LRP1B: variants seen among roughly 807,000 people sequenced by gnomAD.
LRP1B encodes low-density lipoprotein receptor-related protein 1B.
Under a neutral mutation model 556.6 loss-of-function variants are expected in LRP1B, and 217 were observed. That is an observed-to-expected ratio of 0.39 (90% CI 0.35 to 0.44). The LOEUF is 0.44. Ranked by LOEUF, LRP1B falls within the 20% of genes least tolerant of loss-of-function variation. The pLI, the probability that LRP1B is intolerant of heterozygous loss-of-function variation, is 1.00. For synonymous variants in LRP1B, 2,047 were observed against 1,865.8 expected, an observed-to-expected ratio of 1.10 and a Z score of -2.50; for missense variants, 5,053 against 5,620.8, an observed-to-expected ratio of 0.90 and a Z score of 3.23.
chr2:141,831,938 G>A (rs13386121), intron 1 of LRP1B, among the ~76,000 whole-genome samples: 8 of 151,282 alleles, frequency 5.3e-5, no homozygotes, highest in South Asian at 4.1e-4. Flanking sequence ...AACTTTTCTC[G>A]TTTTTTTCTC....
intron 1 of LRP1B, among the ~76,000 whole-genome samples, chr2:141,982,537 G>A (rs543999461): frequency 5.9e-5 from 9 of 152,032 alleles, no homozygotes; most frequent in African/African-American, 1.7e-4. Flanking sequence ...ATATTTGAAC[G>A]CTAAAACCAC....
At chr2:140,311,228 GTATGTT>G (rs554489587) in intron 83 of LRP1B, among the ~76,000 whole-genome samples, 302 of 151,880 alleles carry the variant, frequency 2.0e-3, no homozygotes, top group African/African-American at 7.1e-3. Context: ...TATGGCACGT[GTATGTT>G]TATAACAGCA....
At chr2:140,668,998 C>T (rs915902158) in intron 41 of LRP1B, among the ~76,000 whole-genome samples, 2 of 152,052 alleles carry the variant, frequency 1.3e-5, no homozygotes, top group Admixed American at 6.6e-5. Flanking sequence ...TGTTGAATGA[C>T]AGATGAAGAG....
At chr2:141,101,586 G>A (rs1341109939) in intron 7 of LRP1B, among the ~76,000 whole-genome samples, 1 of 152,006 alleles carries the variant, frequency 6.6e-6, no homozygotes, top group Non-Finnish European at 1.5e-5. Flanking sequence ...TCTTACTCAG[G>A]TGATACTGCT....
intron 5 of LRP1B, 106 bp downstream of exon 5, chr2:141,247,120 C>T (rs545972153): frequency 1.6e-6 from 2 of 1,275,046 alleles, no homozygotes; most frequent in Non-Finnish European, 2.2e-6. Flanking sequence ...GCAAATCTCT[C>T]TCTTCAAAGT....
At chr2:140,533,526 GTAAAGGCA>G (rs1690813574) in intron 47 of LRP1B, among the ~76,000 whole-genome samples, 1 of 152,092 alleles carries the variant, frequency 6.6e-6, no homozygotes, top group Non-Finnish European at 1.5e-5. Flanking sequence ...GGGAAACCAG[GTAAAGGCA>G]TACTCTGTTA....
At chr2:141,021,562 T>A (rs1253760151) in intron 11 of LRP1B, among the ~76,000 whole-genome samples, 2 of 152,068 alleles carry the variant, frequency 1.3e-5, no homozygotes, top group African/African-American at 4.8e-5. Context: ...AGTAGTTATT[T>A]ACCCTTTTCT....
intron 1 of LRP1B, among the ~76,000 whole-genome samples, chr2:142,106,358 A>G (rs566219931): frequency 1.3e-5 from 2 of 152,302 alleles, no homozygotes; most frequent in East Asian, 3.9e-4. Flanking sequence ...CAAAATTTGT[A>G]AAGCACTTTC....
chr2:141,262,860 T>G (rs1184650769), intron 3 of LRP1B, among the ~76,000 whole-genome samples: 1 of 152,018 alleles, frequency 6.6e-6, no homozygotes, highest in Non-Finnish European at 1.5e-5. Context: ...TTTTATATTT[T>G]TAGATTCCTT....
chr2:140,337,761 T>G (rs2105090686), intron 77 of LRP1B, among the ~76,000 whole-genome samples: 1 of 152,000 alleles, frequency 6.6e-6, no homozygotes, highest in East Asian at 1.9e-4. Context: ...CACCTTATTT[T>G]CAATCCTCAT....
intron 6 of LRP1B, among the ~76,000 whole-genome samples, chr2:141,210,329 A>G (rs1428661367): frequency 6.6e-6 from 1 of 151,066 alleles, no homozygotes; most frequent in Admixed American, 6.6e-5. Context: ...CAATAATTAT[A>G]CTTAAAGAGA....
chr2:141,385,185 A>G (rs1689785812), intron 3 of LRP1B, among the ~76,000 whole-genome samples: 1 of 152,198 alleles, frequency 6.6e-6, no homozygotes, highest in Non-Finnish European at 1.5e-5. Flanking sequence ...CCCAATGTTA[A>G]CCACTAATAA....
intron 43 of LRP1B, among the ~76,000 whole-genome samples, chr2:140,594,029 G>A (rs1315534799): frequency 6.6e-6 from 1 of 151,786 alleles, no homozygotes; most frequent in African/African-American, 2.4e-5. Context: ...CCAGGCTGGA[G>A]TGCAGTGACA....
chr2:141,226,661 T>A (rs953220595), intron 6 of LRP1B, among the ~76,000 whole-genome samples: 1 of 152,262 alleles, frequency 6.6e-6, no homozygotes, highest in African/African-American at 2.4e-5. Flanking sequence ...AGTTCATTAT[T>A]TTTGCTTATA....
At chr2:140,244,145 C>A (rs1304859476) in intron 87 of LRP1B, among the ~76,000 whole-genome samples, 1 of 151,080 alleles carries the variant, frequency 6.6e-6, no homozygotes, top group Non-Finnish European at 1.5e-5. Context: ...ACTTGATAAA[C>A]CTTTGCTTTG....
intron 66 of LRP1B, among the ~76,000 whole-genome samples, chr2:140,426,686 C>T (rs1419341539): frequency 2.6e-5 from 4 of 152,170 alleles, no homozygotes; most frequent in African/African-American, 7.2e-5. Flanking sequence ...CAGCCCCACC[C>T]ATATCTTCCT....
chr2:141,462,772 T>C (rs1188941742), intron 3 of LRP1B, among the ~76,000 whole-genome samples: 1 of 152,164 alleles, frequency 6.6e-6, no homozygotes, highest in Non-Finnish European at 1.5e-5. Context: ...CGCTGTCTTA[T>C]TGTTACTATA....
At chr2:140,666,348 C>T (rs896758612) in intron 41 of LRP1B, among the ~76,000 whole-genome samples, 7 of 151,416 alleles carry the variant, frequency 4.6e-5, no homozygotes, top group African/African-American at 1.7e-4. Context: ...AATAAATTGC[C>T]TCCCAAAATG....
At chr2:142,059,722 T>C (rs945630286) in intron 1 of LRP1B, among the ~76,000 whole-genome samples, 1 of 152,074 alleles carries the variant, frequency 6.6e-6, no homozygotes, top group Non-Finnish European at 1.5e-5. Flanking sequence ...GACTGCCTTA[T>C]TTTTATTTCT....
Sources: allele counts gnomAD v4.1 joint callset (sites outside exome capture counted in the v4.1 genomes callset), GRCh38; gene constraint gnomAD v4.1.1; transcripts MANE v1.5; gene names NCBI Gene and HGNC (gene_info 2026-07-23, HGNC 2026-07-21).